Variants in COL4A3 observed in about 807,000 individuals in gnomAD.
COL4A3 encodes collagen type IV alpha 3 chain.
In COL4A3, 135 loss-of-function variants were observed where a neutral mutation model predicts 217.4. The ratio of observed to expected loss-of-function variants is 0.62; its 90% CI spans 0.54 to 0.72. The LOEUF is 0.72. Among genes scored for constraint, COL4A3 ranks in the 30% least tolerant of loss-of-function variants. The pLI, the probability that COL4A3 is intolerant of heterozygous loss-of-function variation, is 0.00. For synonymous variants in COL4A3, 690 were observed against 736.3 expected, an observed-to-expected ratio of 0.94 and a Z score of 1.02; for missense variants, 1,868 against 2,119.9, an observed-to-expected ratio of 0.88 and a Z score of 2.33.
intron 50 of COL4A3, 32 bp from the exon 51 acceptor site, chr2:227,310,744 A>C (rs753384790): frequency 1.2e-6 from 2 of 1,600,306 alleles, no homozygotes; most frequent in Non-Finnish European, 1.7e-6. Context: ...CAATGGACAG[A>C]GTGTTTATTC....
In COL4A3 at chr2:227,305,037, T is replaced by C. The variant is rs2073445524; in HGVS notation, c.4206T>C (p.Pro1402=). Residue 1402 remains proline (P), a synonymous_variant, in exon 47 of 52, where the codon CCT becomes CCC. Transcript: ENST00000396578. The part of the protein sequence containing the change: ...KPGKDGKPGT[P]GPAGEKGNKG... ...GCAAGGATGGAAAACCAGGAACTCC[T>C]GGACCAGCTGGAGAAAAAGGCAACA... 1.9e-6 allele frequency: 3 copies of C among 1,613,844 alleles called. No homozygotes were observed. The African/African-American group carries it at 4.0e-5, about 22-fold the overall frequency.
intron 39 of COL4A3, 142 bp from the exon 40 acceptor site, chr2:227,294,822 C>T (rs1197200906): frequency 5.3e-6 from 4 of 756,672 alleles, no homozygotes; most frequent in Non-Finnish European, 6.9e-6. Flanking sequence ...CATAGCTTCA[C>T]ATAGCTACAG....
chr2:227,275,320 A>G (rs979143140), intron 26 of COL4A3, among the ~76,000 whole-genome samples: 6 of 152,130 alleles, frequency 3.9e-5, no homozygotes, highest in African/African-American at 1.4e-4. Context: ...AGCTGGGATT[A>G]CAGGCGCACA....
intron 1 of COL4A3, among the ~76,000 whole-genome samples, chr2:227,221,783 T>C (rs1429840097): frequency 6.6e-6 from 1 of 152,126 alleles, no homozygotes; most frequent in African/African-American, 2.4e-5. Flanking sequence ...TCTAGAATAG[T>C]GCCTGGTGCA....
chr2:227,168,054 T>C (rs764373236), intron 1 of COL4A3, among the ~76,000 whole-genome samples: 1 of 152,274 alleles, frequency 6.6e-6, no homozygotes, highest in Admixed American at 6.5e-5. Context: ...CATATAGATA[T>C]GATGTATTTG....
At position 227,269,944 on chromosome 2, in the gene COL4A3, A is replaced by C. The variant is rs749945759; in HGVS notation, c.1539A>C (p.Pro513=). 42 of 1,613,870 alleles carry C rather than the reference A, an allele frequency of 2.6e-5. No individual in the cohort carries two copies. In the Middle Eastern group the frequency reaches 1.3e-3, roughly 51 times the overall value. Residue 513 remains proline, a synonymous_variant, in exon 24 of 52, where the codon CCA becomes CCC. Transcript: ENST00000396578. ...GCGCAGCTGGCTTGAAAGGAAGCCCAGGGTCCCCAGGAAATACAGGTCTTC... is the reference window on the plus strand; with the variant it reads ...GCGCAGCTGGCTTGAAAGGAAGCCCCGGGTCCCCAGGAAATACAGGTCTTC... The part of the protein sequence containing the change: ...RQGAAGLKGS[P]GSPGNTGLPG...
chr2:227,285,642 G>A (rs1396220530), intron 34 of COL4A3, among the ~76,000 whole-genome samples: 2 of 152,144 alleles, frequency 1.3e-5, no homozygotes, highest in African/African-American at 4.8e-5. Context: ...AATATGAATA[G>A]CATATCTCTG....
chr2:227,262,847 A>G (rs2070674051), intron 20 of COL4A3, among the ~76,000 whole-genome samples: 1 of 152,186 alleles, frequency 6.6e-6, no homozygotes, highest in Non-Finnish European at 1.5e-5. Flanking sequence ...AGCTAGATAG[A>G]AGGAATAAAT....
At chr2:227,220,528 G>A (rs987437214) in intron 1 of COL4A3, among the ~76,000 whole-genome samples, 3 of 151,666 alleles carry the variant, frequency 2.0e-5, no homozygotes, top group Admixed American at 6.6e-5. Flanking sequence ...TGCAGTGGTG[G>A]AGCCAACTGC....
rs769781676 is a variant in COL4A3, at chr2:227,304,986, A to T, written c.4155A>T (p.Gly1385=). The T allele has an allele frequency of 1.2e-5, 19 of 1,613,560 alleles. No individual in the cohort carries two copies. Among genetic ancestry groups the T allele is most frequent in the Non-Finnish European group, 1.5e-5 (18 of 1,179,716 alleles). ...PGPPGPPGNL[G]PCGPRGKPGK... ...AATACAATGTTGGTTTTTGCCTAGG[A>T]CCCTGTGGGCCAAGAGGTAAGCCAG... Residue 1385 remains glycine, a splice_region_variant and synonymous_variant, in exon 47 of 52, where the codon GGA becomes GGT. Transcript: ENST00000396578.
At chr2:227,167,405 C>A (rs1216267287) in intron 1 of COL4A3, among the ~76,000 whole-genome samples, 2 of 152,218 alleles carry the variant, frequency 1.3e-5, no homozygotes, top group African/African-American at 2.4e-5. Context: ...CCAGCGCATC[C>A]CCAGGTTTTA....
chr2:227,298,768 G>T lies in COL4A3; in HGVS notation c.3838G>T (p.Gly1280Cys). 5.0e-6 allele frequency: 8 copies of T among 1,614,020 alleles called. No individual in the cohort carries two copies. The highest frequency in any genetic ancestry group is 6.8e-6 in the Non-Finnish European group (8 of 1,180,000). ...KGSMGHPGPK[G>C]PPGTAGDMGP... ...GTCTATGGGCCACCCTGGCCCAAAA[G>T]GTCCACCTGGAACTGCAGGAGACAT... The change falls in exon 43 of 52, where the codon GGT (glycine) becomes TGT (cysteine). Residue 1280 changes from glycine to cysteine, a missense_variant. Gly to Cys is a radical substitution (Grantham distance 159). Transcript: ENST00000396578.
At position 227,307,734 on chromosome 2, in the gene COL4A3, C is replaced by A. The variant is rs375858137; in HGVS notation, c.4277C>A (p.Pro1426Gln). 2 of 1,613,954 alleles carry A rather than the reference C, an allele frequency of 1.2e-6. No homozygotes were observed. The highest frequency in any genetic ancestry group is 2.7e-5 in the African/African-American group (2 of 74,884). The change falls in exon 48 of 52, where the codon CCA (proline) becomes CAA (glutamine). Residue 1426 changes from proline (P) to glutamine (Q), a missense_variant. Pro to Gln is a moderately conservative substitution (Grantham distance 76, BLOSUM62 -1). This residue lies in a region of COL4A3 where 1,503 missense variants were observed against 1,786.1 expected (regional missense o/e 0.84). Coordinates refer to ENST00000396578, the MANE Select transcript of COL4A3 (RefSeq NM_000091.5). ...EPGPAGSDGL[P>Q]GLKGKRGDSG... Reference sequence around the variant, plus strand: ...GGACCAGCTGGATCAGATGGATTGCCAGGTTTGAAAGGAAAACGTGGAGAC... The same window carrying A: ...GGACCAGCTGGATCAGATGGATTGCAAGGTTTGAAAGGAAAACGTGGAGAC...
At chr2:227,172,488 G>A (rs1340598499) in intron 1 of COL4A3, among the ~76,000 whole-genome samples, 1 of 150,858 alleles carries the variant, frequency 6.6e-6, no homozygotes, top group African/African-American at 2.4e-5. Flanking sequence ...CTACTGCTCT[G>A]GTTTCTTCTT....
intron 1 of COL4A3, among the ~76,000 whole-genome samples, chr2:227,189,362 G>T (rs1021145254): frequency 3.9e-5 from 6 of 152,170 alleles, no homozygotes; most frequent in Non-Finnish European, 4.4e-5. Context: ...GCAGAGGCAA[G>T]GTGTGGTGGT....
chr2:227,296,425 C>A (rs533375174), intron 41 of COL4A3: 4 of 801,488 alleles, frequency 5.0e-6, no homozygotes. Flanking sequence ...GGTTTAAAAG[C>A]CTTAAAACTA....
chr2:227,299,247 T>C (rs1177908954), intron 43 of COL4A3, among the ~76,000 whole-genome samples: 1 of 152,088 alleles, frequency 6.6e-6, no homozygotes, highest in Non-Finnish European at 1.5e-5. Context: ...TACAAAAAAT[T>C]AGCTGGGCGT....
rs760231129 is a variant in COL4A3 at position 227,256,316 on chromosome 2, C to A, written c.934-27C>A. On this transcript the variant is annotated intron_variant, in intron 16 of 51. Transcript: ENST00000396578. ...AGAAGTTGGCTCCTGTGTCTTCTGA[C>A]CCATTTCTTTTTGTTCTTTTCTTTA... The A allele has an allele frequency of 9.9e-6, 16 of 1,610,386 alleles. No individual in the cohort carries two copies. In the South Asian group the frequency reaches 1.6e-4, roughly 17 times the overall value.
At chr2:227,300,299 A>G (rs1379185755) in intron 43 of COL4A3, among the ~76,000 whole-genome samples, 1 of 152,158 alleles carries the variant, frequency 6.6e-6, no homozygotes, top group Non-Finnish European at 1.5e-5. Context: ...CCTGTAATCA[A>G]CTAAAGCCCA....
Sources: allele counts gnomAD v4.1 joint callset (sites outside exome capture counted in the v4.1 genomes callset), GRCh38; gene constraint gnomAD v4.1.1; regional missense constraint gnomAD v4.1.1; transcripts MANE v1.5; gene names NCBI Gene and HGNC (gene_info 2026-07-23, HGNC 2026-07-21).